ADAMTS17: variants seen among roughly 807,000 people sequenced by gnomAD.
ADAMTS17 encodes ADAM metallopeptidase with thrombospondin type 1 motif 17.
In ADAMTS17, 113 loss-of-function variants were observed where a neutral mutation model predicts 141.5. The observed-to-expected ratio is 0.80, with a 90% CI of 0.69 to 0.93. The LOEUF (loss-of-function observed/expected upper bound fraction) is 0.93. Among genes scored for constraint, ADAMTS17 ranks in the 40% least tolerant of loss-of-function variants. ADAMTS17 has a pLI of 0.00. For synonymous variants in ADAMTS17, 768 were observed against 630.6 expected, an observed-to-expected ratio of 1.22 and a Z score of -3.27; for missense variants, 1,659 against 1,517.9, an observed-to-expected ratio of 1.09 and a Z score of -1.54.
At chr15:100,008,755 A>G (rs543385149) in intron 18 of ADAMTS17, among the ~76,000 whole-genome samples, 4 of 152,292 alleles carry the variant, frequency 2.6e-5, no homozygotes, top group African/African-American at 7.2e-5. Flanking sequence ...CCAGCCTGAA[A>G]AAACAGGCCC....
At chr15:100,086,690 C>T (rs567531622) in intron 15 of ADAMTS17, among the ~76,000 whole-genome samples, 2 of 151,558 alleles carry the variant, frequency 1.3e-5, no homozygotes, top group East Asian at 1.9e-4. Context: ...AAGAAACTCA[C>T]TCAAAACCGC....
chr15:100,291,713 A>G (rs990473207), intron 3 of ADAMTS17, among the ~76,000 whole-genome samples: 1 of 152,238 alleles, frequency 6.6e-6, no homozygotes, highest in Admixed American at 6.5e-5. Flanking sequence ...GCGAAAGGCC[A>G]TCATCCTAAG....
chr15:100,040,952 T>G (rs991222907), intron 18 of ADAMTS17, among the ~76,000 whole-genome samples: 6 of 152,348 alleles, frequency 3.9e-5, no homozygotes, highest in Non-Finnish European at 8.8e-5. Flanking sequence ...AAGAAAATGT[T>G]TATGTTTCAG....
intron 6 of ADAMTS17, among the ~76,000 whole-genome samples, chr15:100,261,146 G>T (rs2043501257): frequency 6.6e-6 from 1 of 152,210 alleles, no homozygotes; most frequent in Non-Finnish European, 1.5e-5. Context: ...ATCAAGGTAA[G>T]ATGTGGTCAC....
chr15:100,133,117 G>T, intron 11 of ADAMTS17, 97 bp downstream of exon 11: 1 of 1,203,310 alleles, frequency 8.3e-7, no homozygotes, highest in South Asian at 1.4e-5. Flanking sequence ...TGTTTCAGGG[G>T]CTCCTAAGTA....
At chr15:100,109,267 G>A in intron 13 of ADAMTS17, 151 bp from the exon 14 acceptor site, 86 of 916,236 alleles carry the variant, frequency 9.4e-5, no homozygotes, top group Non-Finnish European at 1.3e-4. Flanking sequence ...GCTCCAGGAA[G>A]CGGAAAAAGA....
chr15:100,132,791 C>CACATGAGGA (rs947052956), intron 11 of ADAMTS17, among the ~76,000 whole-genome samples: 9 of 152,190 alleles, frequency 5.9e-5, no homozygotes, highest in African/African-American at 1.9e-4. Flanking sequence ...TTCTCTCCAA[C>CACATGAGGA]ACCTCCCCAT....
Position 100,330,882 on chromosome 15 carries a change from G to A in ADAMTS17, c.616+7C>T, listed in dbSNP as rs886050978. The A allele has an allele frequency of 5.0e-6, 8 of 1,613,886 alleles. No individual in the cohort carries two copies. The East Asian group carries it at 6.7e-5, about 13-fold the overall frequency. Reference sequence around the variant, plus strand: ...TCTAAGCTGGTCATGCTGCTGCCCCGACTCACCTGTTAGAACCTTGCAGAG... The same window carrying A: ...TCTAAGCTGGTCATGCTGCTGCCCCAACTCACCTGTTAGAACCTTGCAGAG... On this transcript the variant is annotated splice_region_variant and intron_variant, in intron 3 of 21. Coordinates refer to ENST00000268070, the MANE Select transcript of ADAMTS17 (RefSeq NM_139057.4).
chr15:99,972,105 G>A lies in ADAMTS17; in HGVS notation c.*2297C>T, dbSNP rs2060220235. ...TCTCTAGTAAAAATACAAAAAAGTA[G>A]GTGGGCGTGGTGGTGGGCGCCTGTA... On this transcript the variant is annotated 3_prime_UTR_variant, in exon 22 of 22. Transcript: ENST00000268070. 6.6e-6 allele frequency: 1 copy of A among 152,322 alleles called. No individual in the cohort carries two copies. Among genetic ancestry groups the A allele is most frequent in the East Asian group, 1.9e-4 (1 of 5,182 alleles). The allele number at this position is 152,322 out of a possible 1,614,324, so 9.4% of individuals were successfully genotyped here. A position where few individuals can be genotyped will look rare whatever the true frequency, so the allele number is the denominator to read the frequency against.
intron 12 of ADAMTS17, among the ~76,000 whole-genome samples, chr15:100,119,015 G>A (rs962065906): frequency 3.1e-5 from 4 of 128,592 alleles, no homozygotes; most frequent in African/African-American, 1.0e-4. Context: ...AATATGAAGT[G>A]TCCTTATGAA....
rs10712411 is a variant in ADAMTS17 at position 100,114,158 on chromosome 15, C to CT, written c.1888+2688dup. On this transcript the variant is annotated intron_variant, in intron 13 of 21. Transcript: ENST00000268070. ...TCTACCTCTGCAAGAATTCTTTCTT[C>CT]TTTTTTTTTTTTTTTTTAAAAAAAG... Among the ~76,000 whole-genome samples the CT allele has an allele frequency of 3.3e-3, 474 of 142,686 alleles. 2 individuals carry two copies. Among genetic ancestry groups the CT allele is most frequent in the Admixed American group, 5.8e-3 (84 of 14,406 alleles). 93.6% of individuals were successfully genotyped at this position (142,686 alleles called of 152,430 possible).
chr15:100,161,826 C>A (rs2039705116), intron 8 of ADAMTS17, among the ~76,000 whole-genome samples: 2 of 152,180 alleles, frequency 1.3e-5, no homozygotes, highest in South Asian at 4.1e-4. Context: ...ATCAATAACC[C>A]CCTTTACGGA....
At chr15:100,236,692 G>T (rs2042666378) in intron 7 of ADAMTS17, among the ~76,000 whole-genome samples, 1 of 152,068 alleles carries the variant, frequency 6.6e-6, no homozygotes, top group South Asian at 2.1e-4. Flanking sequence ...AAAAACATTA[G>T]CTGGGCATAG....
intron 8 of ADAMTS17, among the ~76,000 whole-genome samples, chr15:100,176,695 C>CT (rs1294243417): frequency 6.6e-6 from 1 of 151,970 alleles, no homozygotes; most frequent in Non-Finnish European, 1.5e-5. Flanking sequence ...ACGTGTGTAT[C>CT]TTTGTGTAAC....
At chr15:100,101,143 GCTCTCTGCCCCCAA>G (rs2036074298) in intron 14 of ADAMTS17, among the ~76,000 whole-genome samples, 1 of 152,146 alleles carries the variant, frequency 6.6e-6, no homozygotes, top group African/African-American at 2.4e-5. Flanking sequence ...TCTGCCTGGA[GCTCTCTGCCCCCAA>G]CTCTCTGCCA....
intron 15 of ADAMTS17, among the ~76,000 whole-genome samples, chr15:100,093,897 TA>T (rs2035612980): frequency 6.6e-6 from 1 of 151,826 alleles, no homozygotes. Context: ...GGCTTGGGGG[TA>T]ACCATTTGTA....
chr15:100,153,752 A>C (rs1280802856), intron 9 of ADAMTS17, among the ~76,000 whole-genome samples: 1 of 152,240 alleles, frequency 6.6e-6, no homozygotes, highest in African/African-American at 2.4e-5. Context: ...AGATGGTTTA[A>C]GGCAGAAAAC....
intron 7 of ADAMTS17, among the ~76,000 whole-genome samples, chr15:100,228,260 T>C (rs1269150328): frequency 6.6e-6 from 1 of 152,218 alleles, no homozygotes; most frequent in Non-Finnish European, 1.5e-5. Context: ...CAGTCTACTT[T>C]GACACCATCC....
intron 15 of ADAMTS17, among the ~76,000 whole-genome samples, chr15:100,067,415 C>T (rs995931109): frequency 1.3e-5 from 2 of 152,230 alleles, no homozygotes; most frequent in Admixed American, 6.5e-5. Context: ...TGCAGTTTCA[C>T]CATGACATTT....
Sources: allele counts gnomAD v4.1 joint callset (sites outside exome capture counted in the v4.1 genomes callset), GRCh38; gene constraint gnomAD v4.1.1; transcripts MANE v1.5; gene names NCBI Gene and HGNC (gene_info 2026-07-23, HGNC 2026-07-21).